The following MAP2K3 variants were observed in gnomAD, a reference collection of about 807,000 sequenced individuals.
MAP2K3 encodes dual specificity mitogen-activated protein kinase kinase 3.
MAP2K3 carries 30 observed loss-of-function variants against 46.4 expected under a neutral mutation model. That is an observed-to-expected ratio of 0.65 (90% CI 0.48 to 0.88). MAP2K3 has a LOEUF of 0.88. Ranked by LOEUF, MAP2K3 falls within the 40% of genes least tolerant of loss-of-function variation. MAP2K3 has a pLI of 0.00. For synonymous variants in MAP2K3, 189 were observed against 176.3 expected, an observed-to-expected ratio of 1.07 and a Z score of -0.57; for missense variants, 380 against 464.5, an observed-to-expected ratio of 0.82 and a Z score of 1.67.
At chr17:21,297,420 C>T (rs949050852) in intron 1 of MAP2K3, among the ~76,000 whole-genome samples, 2 of 152,312 alleles carry the variant, frequency 1.3e-5, no homozygotes, top group African/African-American at 4.8e-5. Flanking sequence ...GCAGAAGCTC[C>T]CACAAGGGCA....
chr17:21,294,906 C>T (rs1195499792), intron 1 of MAP2K3, among the ~76,000 whole-genome samples: 2 of 152,310 alleles, frequency 1.3e-5, no homozygotes, highest in Admixed American at 6.5e-5. Context: ...GCAGTTGAGC[C>T]CAGGCCTTGG....
In MAP2K3 at chr17:21,302,279, TG is replaced by T; in HGVS notation, c.516+22del. The T allele has an allele frequency of 8.5e-6, 4 of 469,586 alleles. No individual in the cohort carries two copies. The highest frequency in any genetic ancestry group is 6.9e-4 in the Middle Eastern group (2 of 2,898). 29.1% of individuals were successfully genotyped at this position (469,586 alleles called of 1,614,324 possible). On this transcript the variant is annotated intron_variant, in intron 6 of 11. Transcript: ENST00000342679. ...GTGTCTGTGAGTGGCCTGGGTGGGCTGGCGGGGGGTCCTAGGTGCATAGGCA... is the reference window on the plus strand; with the variant it reads ...GTGTCTGTGAGTGGCCTGGGTGGGCTGCGGGGGGTCCTAGGTGCATAGGCA...
chr17:21,298,784 T>C lies in MAP2K3; in HGVS notation c.117-94T>C, dbSNP rs1253060416. ...CGCCTCCGGGGCAGGAGGCACCTCGTCCCCACGCCAGGCCCCACACTGGCC... is the reference window on the plus strand; with the variant it reads ...CGCCTCCGGGGCAGGAGGCACCTCGCCCCCACGCCAGGCCCCACACTGGCC... On this transcript the variant is annotated intron_variant, in intron 2 of 11. Transcript: ENST00000342679. 638 of 1,585,806 alleles carry C rather than the reference T, an allele frequency of 4.0e-4. No homozygotes were observed. In the African/African-American group the frequency reaches 7.8e-3, roughly 19 times the overall value.
chr17:21,298,336 G>C, intron 1 of MAP2K3, 77 bp from the exon 2 acceptor site: 1 of 1,595,800 alleles, frequency 6.3e-7, no homozygotes, highest in Non-Finnish European at 8.6e-7. Context: ...GTGGGCCAGG[G>C]CCTGATGGCT....
chr17:21,295,778 A>G (rs766020763), intron 1 of MAP2K3: 3 of 1,289,562 alleles, frequency 2.3e-6, no homozygotes, highest in African/African-American at 1.5e-5. Flanking sequence ...AGGTGGGGAA[A>G]CTGAGGCTTG....
chr17:21,298,265 AACGG>A, intron 1 of MAP2K3, 144 bp from the exon 2 acceptor site: 1 of 1,167,146 alleles, frequency 8.6e-7, no homozygotes, highest in Non-Finnish European at 1.3e-6. Flanking sequence ...TTGAAGGCCT[AACGG>A]CCTGGCTTGG....
intron 1 of MAP2K3, 120 bp downstream of exon 1, chr17:21,285,089 T>C: frequency 7.2e-7 from 1 of 1,395,760 alleles, no homozygotes; most frequent in Non-Finnish European, 9.6e-7. Context: ...CGGCGTCCGG[T>C]CCCGGAACCC....
Position 21,300,567 on chromosome 17 carries a change from A to G in MAP2K3, c.188A>G (p.Asp63Gly). The G allele has an allele frequency of 6.2e-7, 1 of 1,612,470 alleles. No homozygotes were observed. The highest frequency in any genetic ancestry group is 8.5e-7 in the Non-Finnish European group (1 of 1,179,364). The change falls in exon 4 of 12, where the codon GAC becomes GGC. Residue 63 changes from aspartate (D) to glycine (G), a missense_variant. Transcript: ENST00000342679. ...GDRNFEVEADDLVTISELGRG... is the reference protein window; with the variant it reads ...GDRNFEVEADGLVTISELGRG... The stretch of plus-strand genomic sequence containing the variant: ...AAGAACTTTGAGGTGGAGGCTGATG[A>G]CTTGGTGACCATCTCAGAACTGGGC...
Position 21,298,886 on chromosome 17 carries a change from G to T in MAP2K3, c.125G>T (p.Arg42Leu). 1 of 1,614,290 alleles carries T rather than the reference G, an allele frequency of 6.2e-7. No homozygotes were observed. Among genetic ancestry groups the T allele is most frequent in the Non-Finnish European group, 8.5e-7 (1 of 1,180,046 alleles). ...GTCTTCTTTCTCCACAGACCCCCCCGGAACCTGGACTCCCGGACCTTCATC... is the reference window on the plus strand; with the variant it reads ...GTCTTCTTTCTCCACAGACCCCCCCTGAACCTGGACTCCCGGACCTTCATC... ...KPPAPNPTPPRNLDSRTFITI... is the reference protein window; with the variant it reads ...KPPAPNPTPPLNLDSRTFITI... The change falls in exon 3 of 12, where the codon CGG becomes CTG. Residue 42 changes from arginine to leucine, a missense_variant. Transcript: ENST00000342679.
chr17:21,309,038 A>C (rs562440676), intron 9 of MAP2K3, among the ~76,000 whole-genome samples: 1 of 152,428 alleles, frequency 6.6e-6, no homozygotes, highest in African/African-American at 2.4e-5. Context: ...CTTCTGCTGT[A>C]CCTGGGATTG....
At chr17:21,309,932 TA>T (rs1028608154) in intron 9 of MAP2K3, among the ~76,000 whole-genome samples, 5 of 151,954 alleles carry the variant, frequency 3.3e-5, no homozygotes, top group Non-Finnish European at 7.4e-5. Context: ...AAAAACTTTT[TA>T]AAAAAAATTT....
chr17:21,311,992 T>A, intron 9 of MAP2K3, 150 bp from the exon 10 acceptor site: 1 of 721,276 alleles, frequency 1.4e-6, no homozygotes, highest in Non-Finnish European at 2.1e-6. Flanking sequence ...CTCGCCTTTG[T>A]TCTGCTGGGA....
intron 1 of MAP2K3, among the ~76,000 whole-genome samples, chr17:21,292,111 C>T (rs9891745): frequency 4.2e-3 from 643 of 152,194 alleles, no homozygotes; most frequent in African/African-American, 0.014. Context: ...CCCCTGGTGT[C>T]AGCATCTGCA....
At chr17:21,308,057 T>C (rs1486156195) in intron 9 of MAP2K3, among the ~76,000 whole-genome samples, 20 of 150,898 alleles carry the variant, frequency 1.3e-4, no homozygotes, top group African/African-American at 4.6e-4. Context: ...GGTTTCACCA[T>C]GTTGGCCAGG....
chr17:21,298,447 C>A lies in MAP2K3; in HGVS notation c.84C>A (p.Ser28=), dbSNP rs1360519332. The A allele has an allele frequency of 1.2e-6, 2 of 1,614,310 alleles. No individual in the cohort carries two copies. Among genetic ancestry groups the A allele is most frequent in the Non-Finnish European group, 1.7e-6 (2 of 1,180,056 alleles). ...KSKRKKDLRI[S]CMSKPPAPNP... is the part of the protein sequence containing the mutation. ...AGAGGAAGAAGGATCTACGGATATC[C>A]TGCATGTCCAAGCCACCCGCACCCA... is the stretch of plus-strand genomic sequence containing the variant. Residue 28 remains serine, a synonymous_variant, in exon 2 of 12, where the codon TCC becomes TCA. Coordinates refer to ENST00000342679, the MANE Select transcript of MAP2K3 (RefSeq NM_145109.3).
At chr17:21,311,435 G>T (rs1278114854) in intron 9 of MAP2K3, among the ~76,000 whole-genome samples, 2 of 152,034 alleles carry the variant, frequency 1.3e-5, no homozygotes, top group Non-Finnish European at 2.9e-5. Flanking sequence ...GAGACCCACC[G>T]GCCCGATGTC....
At chr17:21,295,761 C>A (rs1406683612) in intron 1 of MAP2K3, 5 of 1,289,492 alleles carry the variant, frequency 3.9e-6, no homozygotes, top group Non-Finnish European at 4.0e-6. Flanking sequence ...GTGCAAGTGC[C>A]CTTGACAGGT....
chr17:21,290,903 C>G (rs1443876184), intron 1 of MAP2K3, among the ~76,000 whole-genome samples: 2 of 152,306 alleles, frequency 1.3e-5, no homozygotes. Flanking sequence ...ATGAGTGCCA[C>G]AGCACTCCAG....
intron 1 of MAP2K3, among the ~76,000 whole-genome samples, chr17:21,293,321 C>T (rs1264439081): frequency 6.6e-6 from 1 of 152,154 alleles, no homozygotes; most frequent in African/African-American, 2.4e-5. Context: ...TGCCTCCTTC[C>T]CTCTCCAGCG....
Sources: gnomAD v4.1 joint callset for allele counts (sites outside exome capture counted in the v4.1 genomes callset) on GRCh38, gnomAD v4.1.1 for gene constraint, MANE v1.5 for transcripts, NCBI Gene and HGNC (gene_info 2026-07-23, HGNC 2026-07-21) for gene names.